The following INVS variants were observed in gnomAD, a reference collection of about 807,000 sequenced individuals.
INVS encodes inversion of embryo turning homolog.
Under a neutral mutation model 108.8 loss-of-function variants are expected in INVS, and 86 were observed. The observed-to-expected ratio is 0.79, with a 90% CI of 0.66 to 0.95. INVS has a LOEUF of 0.95. Among genes scored for constraint, INVS ranks in the 40% least tolerant of loss-of-function variants. The pLI, the probability that INVS is intolerant of heterozygous loss-of-function variation, is 0.00. For synonymous variants in INVS, 455 were observed against 473.5 expected (o/e 0.96, Z 0.51); for missense variants, 1,169 against 1,297.4 (o/e 0.90, Z 1.52).
chr9:100,267,312 T>C (rs1213509698), intron 11 of INVS, among the ~76,000 whole-genome samples: 3 of 152,314 alleles, frequency 2.0e-5, no homozygotes, highest in East Asian at 1.9e-4. Context: ...TGCCAAACTA[T>C]AGATAAAAAG....
At chr9:100,279,850 A>C (rs1355943432) in intron 12 of INVS, among the ~76,000 whole-genome samples, 1 of 152,200 alleles carries the variant, frequency 6.6e-6, no homozygotes, top group African/African-American at 2.4e-5. Flanking sequence ...TTCGTGTCAA[A>C]AGTGGGCAAA....
intron 2 of INVS, chr9:100,120,565 G>A (rs1255351244): frequency 1.3e-5 from 2 of 154,494 alleles, no homozygotes; most frequent in South Asian, 2.0e-4. Context: ...GTTAGCTTTC[G>A]TTTAAGCTGA....
At chr9:100,166,668 G>A (rs779050369) in intron 3 of INVS, among the ~76,000 whole-genome samples, 12 of 152,188 alleles carry the variant, frequency 7.9e-5, no homozygotes, top group Non-Finnish European at 1.3e-4. Flanking sequence ...TGATACTGGT[G>A]TCTATTAACA....
intron 3 of INVS, among the ~76,000 whole-genome samples, chr9:100,178,712 A>G (rs1375469915): frequency 2.0e-5 from 3 of 152,150 alleles, no homozygotes; most frequent in Non-Finnish European, 1.5e-5. Context: ...ATTGGAAAAC[A>G]CTCTTCAGGA....
chr9:100,253,172 A>G (rs1303494464), intron 10 of INVS, 36 bp downstream of exon 10: 2 of 1,493,202 alleles, frequency 1.3e-6, no homozygotes, highest in Non-Finnish European at 9.3e-7. Flanking sequence ...GTTTGCTCCA[A>G]AGAATTTAGA....
At chr9:100,131,876 A>C in intron 3 of INVS, 2 of 968,276 alleles carry the variant, frequency 2.1e-6, no homozygotes, top group Non-Finnish European at 2.5e-6. Flanking sequence ...TCAGTTTTCA[A>C]GGTACGCTGT....
At position 100,126,441 on chromosome 9, in the gene INVS, C is replaced by T. The variant is rs552421229; in HGVS notation, c.165C>T (p.Cys55=). 25 of 1,613,900 alleles carry T rather than the reference C, an allele frequency of 1.5e-5. No individual in the cohort carries two copies. In the South Asian group the frequency reaches 1.9e-4, roughly 12 times the overall value. Residue 55 remains cysteine (C), a synonymous_variant, in exon 3 of 17, where the codon TGC becomes TGT. Transcript: ENST00000262457. The part of the protein sequence containing the change: ...DQFGRTPLMY[C]VLADRLDCAD... Reference sequence around the variant, plus strand: ...TTGGGAGAACACCACTTATGTATTGCGTGTTGGCTGACAGATTGGATTGTG... The same window carrying T: ...TTGGGAGAACACCACTTATGTATTGTGTGTTGGCTGACAGATTGGATTGTG...
At chr9:100,216,766 C>T (rs79400494) in intron 3 of INVS, among the ~76,000 whole-genome samples, 1,649 of 152,262 alleles carry the variant, frequency 0.011, 16 homozygotes, top group African/African-American at 0.016. Context: ...TTGCTGCCCC[C>T]GTGGTCATGT....
intron 5 of INVS, among the ~76,000 whole-genome samples, chr9:100,231,604 T>G (rs1831516582): frequency 6.7e-6 from 1 of 149,958 alleles, no homozygotes; most frequent in Non-Finnish European, 1.5e-5. Context: ...ACATGTGGTG[T>G]TTGGTTTTCT....
chr9:100,176,162 G>A, intron 3 of INVS: 2 of 399,378 alleles, frequency 5.0e-6, no homozygotes, highest in East Asian at 1.2e-4. Context: ...GAAGCTACAT[G>A]TTCTGCCTTC....
intron 1 of INVS, among the ~76,000 whole-genome samples, chr9:100,099,852 C>T (rs532501987): frequency 5.9e-5 from 9 of 152,286 alleles, no homozygotes; most frequent in African/African-American, 2.2e-4. Context: ...GGAGCCCACG[C>T]GATCTCTGCT....
intron 7 of INVS, among the ~76,000 whole-genome samples, chr9:100,245,005 G>A (rs955691818): frequency 6.6e-6 from 1 of 152,118 alleles, no homozygotes; most frequent in Admixed American, 6.5e-5. Flanking sequence ...GTAAAATAAG[G>A]AACTGGATTA....
chr9:100,129,568 C>A, intron 3 of INVS: 1 of 509,344 alleles, frequency 2.0e-6, no homozygotes, highest in Non-Finnish European at 3.6e-6. Context: ...CAACAAGACA[C>A]TTTCATAACT....
At chr9:100,219,219 A>G (rs1831071347) in intron 3 of INVS, among the ~76,000 whole-genome samples, 2 of 152,196 alleles carry the variant, frequency 1.3e-5, no homozygotes, top group African/African-American at 4.8e-5. Context: ...AAGTTCAGAA[A>G]TGAGTTACAA....
intron 2 of INVS, among the ~76,000 whole-genome samples, chr9:100,105,117 A>G (rs1827131737): frequency 6.6e-6 from 1 of 152,242 alleles, no homozygotes; most frequent in Non-Finnish European, 1.5e-5. Context: ...AGAATTTTCT[A>G]GAACCTTAGC....
At chr9:100,125,085 T>C (rs1827842893) in intron 2 of INVS, among the ~76,000 whole-genome samples, 1 of 152,244 alleles carries the variant, frequency 6.6e-6, no homozygotes, top group South Asian at 2.1e-4. Context: ...GTTTCACACA[T>C]GGGCTGCTCA....
Position 100,117,442 on chromosome 9 carries a change from G to A in INVS, c.107-8941G>A. 3 of 794,680 alleles carry A rather than the reference G, an allele frequency of 3.8e-6. No homozygotes were observed. In the South Asian group the frequency reaches 4.1e-5, roughly 11 times the overall value. The allele number at this position is 794,680 out of a possible 1,614,324, so 49.2% of individuals were successfully genotyped here. On this transcript the variant is annotated intron_variant, in intron 2 of 16. Coordinates refer to ENST00000262457, the MANE Select transcript of INVS (RefSeq NM_014425.5). The stretch of plus-strand genomic sequence containing the variant: ...TGTCCTTGACCAAGCGGCCCAGCTT[G>A]GTGACGGGCATGCACTCCTTATCCT...
chr9:100,140,667 A>T (rs1219277420), intron 3 of INVS, among the ~76,000 whole-genome samples: 1 of 152,026 alleles, frequency 6.6e-6, no homozygotes, highest in East Asian at 1.9e-4. Context: ...ATTTTGGGGG[A>T]TGGTACGGAG....
chr9:100,126,693 T>C (rs913537003), intron 3 of INVS, 144 bp downstream of exon 3: 3 of 814,746 alleles, frequency 3.7e-6, no homozygotes, highest in Non-Finnish European at 6.1e-6. Context: ...AAGCTGTCTT[T>C]AAGCTGCAGA....
Sources: gnomAD v4.1 joint callset for allele counts (sites outside exome capture counted in the v4.1 genomes callset) on GRCh38, gnomAD v4.1.1 for gene constraint, MANE v1.5 for transcripts, NCBI Gene and HGNC (gene_info 2026-07-23, HGNC 2026-07-21) for gene names.